The following NRXN3 variants were observed in gnomAD, a reference collection of about 807,000 sequenced individuals.
The protein encoded by NRXN3 is neurexin III.
NRXN3 carries 32 observed loss-of-function variants against 137.6 expected under a neutral mutation model. That is an observed-to-expected ratio of 0.23 (90% CI 0.18 to 0.31). The LOEUF (loss-of-function observed/expected upper bound fraction) is 0.31. Among genes scored for constraint, NRXN3 ranks in the 10% least tolerant of loss-of-function variants. The pLI is 1.00. For missense variants in NRXN3, 1,574 were observed against 2,062.5 expected, an observed-to-expected ratio of 0.76 and a Z score of 4.59; for synonymous variants, 798 against 784.5, an observed-to-expected ratio of 1.02 and a Z score of -0.29.
intron 16 of NRXN3, among the ~76,000 whole-genome samples, chr14:79,519,768 C>CTTTTT (rs200757761): frequency 1.3e-4 from 15 of 119,366 alleles, no homozygotes; most frequent in East Asian, 9.4e-4. Flanking sequence ...AATAGTATTT[C>CTTTTT]TTTTTTTTTT....
At chr14:79,838,002 T>C (rs2141381244) in intron 20 of NRXN3, among the ~76,000 whole-genome samples, 1 of 152,300 alleles carries the variant, frequency 6.6e-6, no homozygotes, top group Middle Eastern at 3.4e-3. Flanking sequence ...TATCAAAAAA[T>C]TCTACCTAGT....
intron 10 of NRXN3, among the ~76,000 whole-genome samples, chr14:78,885,367 G>T (rs796588280): frequency 3.3e-5 from 5 of 151,982 alleles, no homozygotes; most frequent in African/African-American, 1.2e-4. Context: ...GTTTCATGTT[G>T]TATAAGGGGA....
chr14:79,630,747 C>CCAGG (rs2098336466), intron 16 of NRXN3, among the ~76,000 whole-genome samples: 1 of 152,164 alleles, frequency 6.6e-6, no homozygotes, highest in Admixed American at 6.5e-5. Context: ...AATAGTCCTT[C>CCAGG]TATAAATAAA....
intron 1 of NRXN3, among the ~76,000 whole-genome samples, chr14:78,202,790 C>T (rs901888811): frequency 2.6e-5 from 4 of 152,108 alleles, no homozygotes; most frequent in African/African-American, 7.2e-5. Flanking sequence ...GACCAATTTC[C>T]GAGTACTGTG....
chr14:78,306,431 C>A (rs774427934), intron 4 of NRXN3, among the ~76,000 whole-genome samples: 11 of 152,124 alleles, frequency 7.2e-5, no homozygotes, highest in Non-Finnish European at 1.6e-4. Flanking sequence ...ACTTTGATAG[C>A]ACCTACAGGC....
At chr14:78,284,701 C>T (rs140466084) in intron 3 of NRXN3, among the ~76,000 whole-genome samples, 65 of 152,176 alleles carry the variant, frequency 4.3e-4, no homozygotes, top group East Asian at 4.1e-3. Flanking sequence ...TGTGCAGTGC[C>T]GTAGAACCTC....
At chr14:78,988,649 T>C (rs1333070396) in intron 15 of NRXN3, among the ~76,000 whole-genome samples, 2 of 152,172 alleles carry the variant, frequency 1.3e-5, no homozygotes, top group African/African-American at 2.4e-5. Flanking sequence ...TTTTTTACAA[T>C]TAGCAAAGCT....
intron 8 of NRXN3, among the ~76,000 whole-genome samples, chr14:78,795,306 T>C (rs2098818265): frequency 6.6e-6 from 1 of 152,204 alleles, no homozygotes; most frequent in African/African-American, 2.4e-5. Flanking sequence ...CCTGGATTGC[T>C]CCTTTAACAC....
chr14:79,299,569 C>T (rs1421783656), intron 15 of NRXN3, among the ~76,000 whole-genome samples: 2 of 152,084 alleles, frequency 1.3e-5, no homozygotes, highest in African/African-American at 2.4e-5. Context: ...ATTTCAGCTT[C>T]CTGTTATGAA....
At chr14:78,617,282 A>T (rs2097356326) in intron 4 of NRXN3, among the ~76,000 whole-genome samples, 1 of 152,158 alleles carries the variant, frequency 6.6e-6, no homozygotes, top group African/African-American at 2.4e-5. Context: ...ACCAAAAGAG[A>T]GGAGCTCACA....
intron 1 of NRXN3, among the ~76,000 whole-genome samples, chr14:78,184,065 T>C (rs2060031966): frequency 6.6e-6 from 1 of 152,226 alleles, no homozygotes; most frequent in Admixed American, 6.5e-5. Flanking sequence ...TAATATATGT[T>C]TGTTATAGAA....
At chr14:79,123,816 A>C (rs535511841) in intron 15 of NRXN3, among the ~76,000 whole-genome samples, 2 of 152,296 alleles carry the variant, frequency 1.3e-5, no homozygotes, top group South Asian at 4.1e-4. Context: ...CAGGCCAGGT[A>C]AGCAAAGTTG....
At chr14:78,726,386 G>A (rs576442721) in intron 8 of NRXN3, among the ~76,000 whole-genome samples, 11 of 151,724 alleles carry the variant, frequency 7.3e-5, no homozygotes, top group Admixed American at 1.3e-4. Context: ...TCCCCTCCCT[G>A]TGTCCATGTG....
chr14:79,238,559 A>C (rs1333721280), intron 15 of NRXN3, among the ~76,000 whole-genome samples: 12 of 152,164 alleles, frequency 7.9e-5, no homozygotes. Flanking sequence ...ACACACACAC[A>C]CATATAATAT....
chr14:78,613,014 G>A (rs2097313133), intron 4 of NRXN3, among the ~76,000 whole-genome samples: 1 of 152,168 alleles, frequency 6.6e-6, no homozygotes. Context: ...GTTAGAACTG[G>A]CAGGAACCAG....
At chr14:79,550,761 G>A (rs188599330) in intron 16 of NRXN3, among the ~76,000 whole-genome samples, 2 of 152,266 alleles carry the variant, frequency 1.3e-5, no homozygotes, top group Admixed American at 1.3e-4. Context: ...TGCTGGCTAC[G>A]TGACTTTGGT....
intron 4 of NRXN3, among the ~76,000 whole-genome samples, chr14:78,491,743 C>T (rs1229239253): frequency 6.6e-6 from 1 of 152,134 alleles, no homozygotes; most frequent in African/African-American, 2.4e-5. Flanking sequence ...CTCCACATCA[C>T]ATAGATGTGG....
At chr14:78,352,966 G>A (rs916391094) in intron 4 of NRXN3, among the ~76,000 whole-genome samples, 1 of 152,202 alleles carries the variant, frequency 6.6e-6, no homozygotes, top group African/African-American at 2.4e-5. Context: ...ATTGAAAGGA[G>A]GATGGGATTG....
At chr14:79,076,554 C>A (rs1445073365) in intron 15 of NRXN3, among the ~76,000 whole-genome samples, 1 of 152,186 alleles carries the variant, frequency 6.6e-6, no homozygotes, top group Non-Finnish European at 1.5e-5. Context: ...GGACAGCTTA[C>A]AACTTAATAG....
Sources: gnomAD v4.1 joint callset for allele counts (sites outside exome capture counted in the v4.1 genomes callset) on GRCh38, gnomAD v4.1.1 for gene constraint, MANE v1.5 for transcripts, NCBI Gene and HGNC (gene_info 2026-07-23, HGNC 2026-07-21) for gene names.